SNTG1: variants seen among roughly 807,000 people sequenced by gnomAD.
The protein encoded by SNTG1 is gamma-1-syntrophin.
In SNTG1, 39 loss-of-function variants were observed where a neutral mutation model predicts 74.7. The observed-to-expected ratio is 0.52, with a 90% CI of 0.40 to 0.68. The LOEUF (loss-of-function observed/expected upper bound fraction) is 0.68. Among genes scored for constraint, SNTG1 ranks in the 30% least tolerant of loss-of-function variants. The pLI, the probability that SNTG1 is intolerant of heterozygous loss-of-function variation, is 0.00. For missense variants in SNTG1, 685 were observed against 609.5 expected (o/e 1.12, Z -1.30); for synonymous variants, 254 against 217.1 (o/e 1.17, Z -1.49).
intron 18 of SNTG1, among the ~76,000 whole-genome samples, chr8:50,759,738 G>T (rs2095592413): frequency 6.6e-6 from 1 of 151,968 alleles, no homozygotes; most frequent in African/African-American, 2.4e-5. Flanking sequence ...TGCTGTTTTG[G>T]TTACTGTAGC....
rs145002515 is a variant in SNTG1, at chr8:50,105,589, G to A, written c.-102-66972G>A. ...TGTGAAGAAAGTTATTGGAATTTTA[G>A]TAGGAATAGTATTTAATCTGTAAAT... is the stretch of plus-strand genomic sequence containing the variant. On this transcript the variant is annotated intron_variant, in intron 1 of 18. Coordinates refer to ENST00000642720, the MANE Select transcript of SNTG1 (RefSeq NM_018967.5). 3.5e-3 allele frequency among the ~76,000 whole-genome samples: 534 copies of A among 151,904 alleles called. 4 individuals carry two copies. Among genetic ancestry groups the A allele is most frequent in the African/African-American group, 0.012 (515 of 41,456 alleles).
At chr8:50,604,429 A>AG (rs113701106) in intron 13 of SNTG1, among the ~76,000 whole-genome samples, 10,461 of 152,122 alleles carry the variant, frequency 0.069, 978 homozygotes, top group African/African-American at 0.21. Flanking sequence ...AAAGAAAGAA[A>AG]AAAAAAAAGA....
chr8:50,539,168 T>C (rs2094328345), intron 11 of SNTG1, among the ~76,000 whole-genome samples: 1 of 152,192 alleles, frequency 6.6e-6, no homozygotes, highest in African/African-American at 2.4e-5. Flanking sequence ...ATTGTTAGTA[T>C]CATTAATTCT....
At chr8:50,721,055 T>G (rs1206008646) in intron 17 of SNTG1, among the ~76,000 whole-genome samples, 1 of 152,144 alleles carries the variant, frequency 6.6e-6, no homozygotes. Context: ...TGCTGGGGGA[T>G]TTTTAACCTT....
At chr8:49,984,938 GT>G (rs146824160) in intron 1 of SNTG1, among the ~76,000 whole-genome samples, 2 of 151,866 alleles carry the variant, frequency 1.3e-5, no homozygotes, top group Admixed American at 6.6e-5. Flanking sequence ...GTTGGAGTAT[GT>G]TTTTTTTACC....
At chr8:50,318,611 G>A (rs1399026293) in intron 2 of SNTG1, among the ~76,000 whole-genome samples, 2 of 152,182 alleles carry the variant, frequency 1.3e-5, no homozygotes, top group African/African-American at 4.8e-5. Flanking sequence ...GGGGGACAAA[G>A]ATCTGTGCTT....
chr8:50,209,112 C>G (rs1345850446), intron 2 of SNTG1, among the ~76,000 whole-genome samples: 2 of 152,144 alleles, frequency 1.3e-5, no homozygotes, highest in Admixed American at 1.3e-4. Flanking sequence ...ACCCATGGAG[C>G]CTCACTCACT....
At chr8:50,031,572 A>G (rs574129908) in intron 1 of SNTG1, among the ~76,000 whole-genome samples, 5 of 152,202 alleles carry the variant, frequency 3.3e-5, no homozygotes, top group Admixed American at 6.5e-5. Context: ...TTTTTTCCAC[A>G]TAAATGTATA....
At chr8:50,177,071 G>A (rs906384540) in intron 2 of SNTG1, among the ~76,000 whole-genome samples, 5 of 152,172 alleles carry the variant, frequency 3.3e-5, no homozygotes, top group Non-Finnish European at 5.9e-5. Context: ...AGAGTCACAA[G>A]AAAATCTTTA....
At chr8:50,060,740 G>A (rs140941210) in intron 1 of SNTG1, among the ~76,000 whole-genome samples, 268 of 151,748 alleles carry the variant, frequency 1.8e-3, no homozygotes, top group African/African-American at 6.0e-3. Context: ...CATTATTTTC[G>A]GCTTGCCTGG....
At chr8:50,630,735 A>G (rs959379356) in intron 13 of SNTG1, among the ~76,000 whole-genome samples, 1 of 152,198 alleles carries the variant, frequency 6.6e-6, no homozygotes, top group Non-Finnish European at 1.5e-5. Context: ...GTTATACCCC[A>G]AGAAGACAGA....
At chr8:50,627,136 T>C (rs1423126749) in intron 13 of SNTG1, among the ~76,000 whole-genome samples, 1 of 152,206 alleles carries the variant, frequency 6.6e-6, no homozygotes, top group East Asian at 1.9e-4. Context: ...TTCATTTTGT[T>C]CCATTTCCAG....
At chr8:50,201,020 T>C (rs2083967494) in intron 2 of SNTG1, among the ~76,000 whole-genome samples, 1 of 152,200 alleles carries the variant, frequency 6.6e-6, no homozygotes. Context: ...TTTGATTTTT[T>C]ATTTTAAGCA....
chr8:50,235,469 TTA>T (rs1365374112), intron 2 of SNTG1, among the ~76,000 whole-genome samples: 2 of 152,182 alleles, frequency 1.3e-5, no homozygotes, highest in Non-Finnish European at 2.9e-5. Context: ...ACATACAATT[TTA>T]TCTGTCAATT....
intron 15 of SNTG1, among the ~76,000 whole-genome samples, chr8:50,683,445 A>G (rs1157691365): frequency 6.6e-6 from 1 of 152,170 alleles, no homozygotes; most frequent in Non-Finnish European, 1.5e-5. Context: ...GATATCATCC[A>G]TATTAATGAG....
At chr8:50,363,466 T>G (rs1307227675) in intron 2 of SNTG1, among the ~76,000 whole-genome samples, 1 of 152,170 alleles carries the variant, frequency 6.6e-6, no homozygotes, top group African/African-American at 2.4e-5. Flanking sequence ...CCTTTACAAT[T>G]GGACTTTGTC....
intron 2 of SNTG1, among the ~76,000 whole-genome samples, chr8:50,283,378 AC>A (rs1241722801): frequency 6.6e-6 from 1 of 152,222 alleles, no homozygotes; most frequent in African/African-American, 2.4e-5. Flanking sequence ...ATAGTTGCTC[AC>A]AAAATATTTC....
At chr8:50,285,417 G>C (rs2088711957) in intron 2 of SNTG1, among the ~76,000 whole-genome samples, 1 of 152,110 alleles carries the variant, frequency 6.6e-6, no homozygotes, top group Admixed American at 6.6e-5. Flanking sequence ...CTGCACTCCA[G>C]CCTGTGAGAC....
chr8:50,559,043 G>A (rs1031626042), intron 12 of SNTG1, among the ~76,000 whole-genome samples: 11 of 152,124 alleles, frequency 7.2e-5, no homozygotes, highest in African/African-American at 2.2e-4. Flanking sequence ...TGATGCTGAG[G>A]TTTAGAGTAT....
Sources: allele counts gnomAD v4.1 joint callset (sites outside exome capture counted in the v4.1 genomes callset), GRCh38; gene constraint gnomAD v4.1.1; transcripts MANE v1.5; gene names NCBI Gene and HGNC (gene_info 2026-07-23, HGNC 2026-07-21).